The following UAP1L1 variants were observed in gnomAD, a reference collection of about 807,000 sequenced individuals.
UAP1L1 encodes the protein UDP-N-acetylhexosamine pyrophosphorylase-like protein 1.
In UAP1L1, 45 loss-of-function variants were observed where a neutral mutation model predicts 45.3. That is an observed-to-expected ratio of 0.99 (90% CI 0.78 to 1.27). The LOEUF (loss-of-function observed/expected upper bound fraction) is 1.27. Among genes scored for constraint, UAP1L1 ranks in the 50% most tolerant of loss-of-function variants. UAP1L1 has a pLI of 0.00. For missense variants in UAP1L1, 667 were observed against 694.0 expected (o/e 0.96, Z 0.44); for synonymous variants, 323 against 303.9 (o/e 1.06, Z -0.65).
At chr9:137,079,172 C>T (rs757046689) in intron 4 of UAP1L1, 24 bp downstream of exon 4, 14 of 1,599,194 alleles carry the variant, frequency 8.8e-6, no homozygotes, top group East Asian at 4.5e-5. Context: ...TGCGCGGCGC[C>T]CCGCACCCGA....
In UAP1L1 at chr9:137,082,415, G is replaced by A. The variant is rs144780898; in HGVS notation, c.1432-222G>A. On this transcript the variant is annotated intron_variant, in intron 8 of 8. Coordinates refer to ENST00000409858, the MANE Select transcript of UAP1L1 (RefSeq NM_207309.3). This position sits in a 1 kb window ranked among gnomAD's most constrained non-coding sequence, Gnocchi z 5.7. ...TTCTCTGGTCAGGTCAGACCTGTGC[G>A]TGACAGGAGGGTCCCCTGCTGGCCT... The A allele has an allele frequency of 8.6e-4, 512 of 592,914 alleles. No individual in the cohort carries two copies. The highest frequency in any genetic ancestry group is 8.2e-3 in the African/African-American group (439 of 53,846). The allele number at this position is 592,914 out of a possible 1,614,324, so 36.7% of individuals were successfully genotyped here.
intron 2 of UAP1L1, 61 bp downstream of exon 2, chr9:137,078,315 C>A (rs1296231957): frequency 1.3e-6 from 2 of 1,514,090 alleles, no homozygotes; most frequent in African/African-American, 2.7e-5. Flanking sequence ...CCCCACATCC[C>A]CGCTCCAGAC....
intron 5 of UAP1L1, 193 bp from the exon 6 acceptor site, chr9:137,079,809 C>A: frequency 1.5e-6 from 1 of 668,056 alleles, no homozygotes; most frequent in Non-Finnish European, 2.5e-6. Context: ...GCACTTGGCA[C>A]AGGGATGCAG....
chr9:137,077,570 G>T lies in UAP1L1; in HGVS notation c.38G>T (p.Arg13Leu). The change falls in exon 1 of 9, where the codon CGC becomes CTC. Residue 13 changes from arginine to leucine, a missense_variant. Arg to Leu is a moderately radical substitution (Grantham distance 102). Transcript: ENST00000409858. This position sits in a 1 kb window ranked among gnomAD's most constrained non-coding sequence, Gnocchi z 4.7. The part of the protein sequence containing the change: ...SEQDVRARLQ[R>L]AGQEHLLRFW... ...CAGGACGTGCGCGCCCGGCTGCAGCGCGCTGGCCAGGAGCACCTCCTGCGC... is the reference window on the plus strand; with the variant it reads ...CAGGACGTGCGCGCCCGGCTGCAGCTCGCTGGCCAGGAGCACCTCCTGCGC... 7.2e-7 allele frequency: 1 copy of T among 1,395,776 alleles called. No homozygotes were observed. The highest frequency in any genetic ancestry group is 9.4e-7 in the Non-Finnish European group (1 of 1,068,558). 86.5% of individuals were successfully genotyped at this position (1,395,776 alleles called of 1,614,324 possible). A position where few individuals can be genotyped will look rare whatever the true frequency, so the allele number is the denominator to read the frequency against.
In UAP1L1 at chr9:137,081,876, C is replaced by T. The variant is rs1300016021; in HGVS notation, c.1365-122C>T. On this transcript the variant is annotated intron_variant, in intron 7 of 8. Transcript: ENST00000409858. Reference sequence around the variant, plus strand: ...GGGTGTCCAGAGGAAGATGAGCTTGCTGAGACAGGAGCTGTGGGGAGCCAG... The same window carrying T: ...GGGTGTCCAGAGGAAGATGAGCTTGTTGAGACAGGAGCTGTGGGGAGCCAG... 3.0e-5 allele frequency: 28 copies of T among 923,092 alleles called. No homozygotes were observed. The Middle Eastern group carries it at 6.8e-4, about 22-fold the overall frequency. The allele number at this position is 923,092 out of a possible 1,614,324, so 57.2% of individuals were successfully genotyped here.
intron 3 of UAP1L1, 27 bp from the exon 4 acceptor site, chr9:137,078,949 G>A (rs546102699): frequency 4.3e-5 from 67 of 1,564,734 alleles, no homozygotes; most frequent in African/African-American, 2.5e-4. Flanking sequence ...GAGCCCTCGC[G>A]ATGCCCATTC....
chr9:137,077,995 A>G lies in UAP1L1; in HGVS notation c.290-55A>G, dbSNP rs572694261. The G allele has an allele frequency of 3.1e-5, 48 of 1,538,582 alleles. No individual in the cohort carries two copies. The South Asian group carries it at 5.1e-4, about 16-fold the overall frequency. On this transcript the variant is annotated intron_variant, in intron 1 of 8. Transcript: ENST00000409858. This position sits in a 1 kb window ranked among gnomAD's most constrained non-coding sequence, Gnocchi z 4.7. ...CCCAGCCCCAGAGTTGGTTTCCCCT[A>G]AAGCGGAAGGGTGGGCGGGTCCCGG...
intron 6 of UAP1L1, chr9:137,080,430 AG>A (rs1832772098): frequency 1.7e-6 from 1 of 589,062 alleles, no homozygotes; most frequent in South Asian, 2.2e-5. Context: ...CCAGGTTGCC[AG>A]GGCGGCTCGC....
rs750214097 is a variant in UAP1L1 at position 137,082,022 on chromosome 9, G to A, written c.1389G>A (p.Pro463=). The A allele has an allele frequency of 8.1e-6, 13 of 1,613,920 alleles. No homozygotes were observed. The highest frequency in any genetic ancestry group is 2.7e-5 in the African/African-American group (2 of 74,874). Residue 463 remains proline (P), a synonymous_variant, in exon 8 of 9, where the codon CCG becomes CCA. Transcript: ENST00000409858. This position sits in a 1 kb window ranked among gnomAD's most constrained non-coding sequence, Gnocchi z 5.7. ...LPSLPPNGDP[P]AICEISPLVS... ...GCTTGCCCCCAAATGGAGACCCTCC[G>A]GCCATCTGTGAGATATCGCCCTTGG...
At position 137,079,110 on chromosome 9, in the gene UAP1L1, G is replaced by C. The variant is rs752450903; in HGVS notation, c.805G>C (p.Gly269Arg). The part of the protein sequence containing the change: ...LVRLADPVFI[G>R]FCVLQGADCG... ...GCGGCTGGCGGACCCTGTCTTCATC[G>C]GCTTCTGTGTGTTGCAGGGCGCAGA... Residue 269 changes from glycine (G) to arginine (R), a missense_variant, in exon 4 of 9, where the codon GGC (glycine) becomes CGC (arginine). Physicochemically the swap from Gly to Arg is moderately radical, Grantham distance 125. Transcript: ENST00000409858. 2 of 1,611,680 alleles carry C rather than the reference G, an allele frequency of 1.2e-6. No individual in the cohort carries two copies. Among genetic ancestry groups the C allele is most frequent in the Non-Finnish European group, 1.7e-6 (2 of 1,179,646 alleles).
Position 137,082,443 on chromosome 9 carries a change from G to C in UAP1L1, c.1432-194G>C. On this transcript the variant is annotated intron_variant, in intron 8 of 8. Coordinates refer to ENST00000409858, the MANE Select transcript of UAP1L1 (RefSeq NM_207309.3). The surrounding 1 kb of genome is among the most constrained non-coding windows in gnomAD (Gnocchi z 5.7). ...ACAGGAGGGTCCCCTGCTGGCCTAG[G>C]GTCTTGAGTGTGGTCTTGGGTGGCC... 1.7e-6 allele frequency: 1 copy of C among 600,912 alleles called. No homozygotes were observed. The highest frequency in any genetic ancestry group is 3.0e-6 in the Non-Finnish European group (1 of 336,482). 37.2% of individuals were successfully genotyped at this position (600,912 alleles called of 1,614,324 possible).
In UAP1L1 at chr9:137,082,218, T is replaced by C. The variant is rs969769684; in HGVS notation, c.1431+154T>C. 15 of 746,034 alleles carry C rather than the reference T, an allele frequency of 2.0e-5. No individual in the cohort carries two copies. The highest frequency in any genetic ancestry group is 4.3e-5 in the Admixed American group (2 of 46,188). 46.2% of individuals were successfully genotyped at this position (746,034 alleles called of 1,614,324 possible). A position where few individuals can be genotyped will look rare whatever the true frequency, so the allele number is the denominator to read the frequency against. ...AATTTGCAGAAGACTTTCCAAGATA[T>C]GGGTTGGGGTGGGGTGAGGCATCCA... On this transcript the variant is annotated intron_variant, in intron 8 of 8. Coordinates refer to ENST00000409858, the MANE Select transcript of UAP1L1 (RefSeq NM_207309.3). The surrounding 1 kb of genome is among the most constrained non-coding windows in gnomAD (Gnocchi z 5.7).
At chr9:137,078,864 G>A in intron 3 of UAP1L1, 112 bp from the exon 4 acceptor site, 1 of 1,386,432 alleles carries the variant, frequency 7.2e-7, no homozygotes, top group African/African-American at 1.5e-5. Flanking sequence ...TTAGTGACCA[G>A]GGCTGCCTTA....
rs571909379 is a variant in UAP1L1 at position 137,082,972 on chromosome 9, C to A, written c.*243C>A. On this transcript the variant is annotated 3_prime_UTR_variant, in exon 9 of 9. Coordinates refer to ENST00000409858, the MANE Select transcript of UAP1L1 (RefSeq NM_207309.3). The surrounding 1 kb of genome is among the most constrained non-coding windows in gnomAD (Gnocchi z 5.7). ...CGCCTCTGGACACAAGTGGCGACAG[C>A]CTGCTGGGGGCTCTGTGGCTCCATT... 8.0e-6 allele frequency: 4 copies of A among 502,924 alleles called. No homozygotes were observed. Among genetic ancestry groups the A allele is most frequent in the Non-Finnish European group, 1.5e-5 (4 of 274,310 alleles). The allele number at this position is 502,924 out of a possible 1,614,324, so 31.2% of individuals were successfully genotyped here. A position where few individuals can be genotyped will look rare whatever the true frequency, so the allele number is the denominator to read the frequency against.
rs1271758990 is a variant in UAP1L1, at chr9:137,080,053, T to C, written c.1089T>C (p.Tyr363=). The change falls in exon 6 of 9, where the codon TAT becomes TAC. Residue 363 remains tyrosine (Y), a synonymous_variant. Transcript: ENST00000409858. ...KPHVAVKKVP[Y]VDEEGNLVKP... ...ACGTGGCTGTGAAGAAGGTCCCGTATGTGGATGAGGAGGGGAATCTGGTAA... is the reference window on the plus strand; with the variant it reads ...ACGTGGCTGTGAAGAAGGTCCCGTACGTGGATGAGGAGGGGAATCTGGTAA... The C allele has an allele frequency of 6.2e-7, 1 of 1,614,134 alleles. No homozygotes were observed.
chr9:137,081,054 G>A (rs1436127236), intron 7 of UAP1L1, among the ~76,000 whole-genome samples, 180 bp downstream of exon 7: 2 of 152,176 alleles, frequency 1.3e-5, no homozygotes, highest in African/African-American at 2.4e-5. Context: ...GGTGACTGTC[G>A]GCACAGCCTC....
rs1413635506 is a variant in UAP1L1 at position 137,081,983 on chromosome 9, G to C, written c.1365-15G>C. 1.2e-6 allele frequency: 2 copies of C among 1,613,934 alleles called. No individual in the cohort carries two copies. The highest frequency in any genetic ancestry group is 1.7e-5 in the Admixed American group (1 of 60,010). On this transcript the variant is annotated splice_polypyrimidine_tract_variant and intron_variant, in intron 7 of 8. Coordinates refer to ENST00000409858, the MANE Select transcript of UAP1L1 (RefSeq NM_207309.3). ...AGGTGCTGCAAGGAGATATTGACAA[G>C]TGGACTTTCCCTAGCTTGCCCCCAA...
chr9:137,082,537 C>G lies in UAP1L1; in HGVS notation c.1432-100C>G, dbSNP rs1832805610. On this transcript the variant is annotated intron_variant, in intron 8 of 8. Coordinates refer to ENST00000409858, the MANE Select transcript of UAP1L1 (RefSeq NM_207309.3). This position sits in a 1 kb window ranked among gnomAD's most constrained non-coding sequence, Gnocchi z 5.7. The stretch of plus-strand genomic sequence containing the variant: ...CCACCCCTCCCTGACTCCAGGCAGA[C>G]CTGGGATCGCACCTGGGGACTGTGG... 6 of 982,622 alleles carry G rather than the reference C, an allele frequency of 6.1e-6. No individual in the cohort carries two copies. The highest frequency in any genetic ancestry group is 4.8e-5 in the African/African-American group (3 of 61,916). 60.9% of individuals were successfully genotyped at this position (982,622 alleles called of 1,614,324 possible). A position where few individuals can be genotyped will look rare whatever the true frequency, so the allele number is the denominator to read the frequency against.
intron 5 of UAP1L1, chr9:137,079,751 G>T: frequency 1.7e-6 from 1 of 602,424 alleles, no homozygotes; most frequent in Non-Finnish European, 2.9e-6. Flanking sequence ...TCTGCTCTGG[G>T]GCTTGCCAGT....
Sources: gnomAD v4.1 joint callset for allele counts (sites outside exome capture counted in the v4.1 genomes callset) on GRCh38, gnomAD v4.1.1 for gene constraint, Gnocchi (gnomAD v3.1) non-coding constraint, MANE v1.5 for transcripts, NCBI Gene and HGNC (gene_info 2026-07-23, HGNC 2026-07-21) for gene names.